Variants in CREBZF observed in about 807,000 individuals in gnomAD.
The protein encoded by CREBZF is CREB/ATF bZIP transcription factor.
CREBZF carries 8 observed loss-of-function variants against 21.1 expected under a neutral mutation model. That is an observed-to-expected ratio of 0.38 (90% confidence interval 0.22 to 0.68). CREBZF has a LOEUF of 0.68. Among genes scored for constraint, CREBZF ranks in the 30% least tolerant of loss-of-function variants. The pLI, the probability that CREBZF is intolerant of heterozygous loss-of-function variation, is 0.51. For missense variants in CREBZF, 518 were observed against 484.3 expected, an observed-to-expected ratio of 1.07 and a Z score of -0.65; for synonymous variants, 270 against 223.3, an observed-to-expected ratio of 1.21 and a Z score of -1.86.
At position 85,664,636 on chromosome 11, in the gene CREBZF, G is replaced by A. The variant is rs922043794; in HGVS notation, c.240C>T (p.Pro80=). ...RGGVAVRAPS[P]EEMEEEAIAS... Reference sequence around the variant, plus strand: ...CGATCGCCTCCTCCTCCATCTCCTCGGGGGAGGGCGCGCGCACGGCCACGC... The same window carrying A: ...CGATCGCCTCCTCCTCCATCTCCTCAGGGGAGGGCGCGCGCACGGCCACGC... Residue 80 remains proline, a synonymous_variant, in exon 1 of 1, where the codon CCC becomes CCT. Coordinates refer to ENST00000527447, the MANE Select transcript of CREBZF (RefSeq NM_001039618.4). The surrounding 1 kb of genome is among the most constrained non-coding windows in gnomAD (Gnocchi z 5.5). The A allele has an allele frequency of 1.4e-5, 22 of 1,609,158 alleles. No homozygotes were observed. Among genetic ancestry groups the A allele is most frequent in the Non-Finnish European group, 1.8e-5 (21 of 1,177,812 alleles).
In CREBZF at chr11:85,663,244, A is replaced by T. The variant is rs1228960197; in HGVS notation, c.*567T>A. 2 of 477,088 alleles carry T rather than the reference A, an allele frequency of 4.2e-6. No individual in the cohort carries two copies. The highest frequency in any genetic ancestry group is 7.6e-6 in the Non-Finnish European group (2 of 264,334). 29.6% of individuals were successfully genotyped at this position (477,088 alleles called of 1,614,324 possible). A position where few individuals can be genotyped will look rare whatever the true frequency, so the allele number is the denominator to read the frequency against. ...TCAGTGTACAGTTGGAACCGATGTC[A>T]TCCAAGGCCATGTCCACACTGGGGA... On this transcript the variant is annotated 3_prime_UTR_variant, in exon 1 of 1. Transcript: ENST00000527447.
At chr11:85,665,430 C>T (rs2082846537), upstream of CREBZF, among the ~76,000 whole-genome samples, 1 of 148,626 alleles carries the variant, frequency 6.7e-6, no homozygotes, top group Admixed American at 6.7e-5. Context: ...CCCCTGCGTA[C>T]TTCAGTGTGC....
At position 85,662,441 on chromosome 11, in the gene CREBZF, C is replaced by A; in HGVS notation, c.*1370G>T. ...CAGCAGCTGGTCCCGTCTCTTCTGC[C>A]CCAACAGCTGTATCCACTTTAGCAC... On this transcript the variant is annotated 3_prime_UTR_variant, in exon 1 of 1. Transcript: ENST00000527447. 1 of 716,954 alleles carries A rather than the reference C, an allele frequency of 1.4e-6. No individual in the cohort carries two copies. Among genetic ancestry groups the A allele is most frequent in the Non-Finnish European group, 2.6e-6 (1 of 384,766 alleles). 44.4% of individuals were successfully genotyped at this position (716,954 alleles called of 1,614,324 possible). A position where few individuals can be genotyped will look rare whatever the true frequency, so the allele number is the denominator to read the frequency against.
chr11:85,678,643 A>T lies in CREBZF; in HGVS notation n.147+4074T>A, dbSNP rs373613383. Among the ~76,000 whole-genome samples the T allele has an allele frequency of 8.9e-4, 135 of 152,332 alleles. 2 individuals are homozygous for T. Among genetic ancestry groups the T allele is most frequent in the African/African-American group, 3.2e-3 (132 of 41,580 alleles). ...CCTTGGAATATACTCCATTAAGGATATTCATTGAAAATACTGTTTTCTAAA... is the reference window on the plus strand; with the variant it reads ...CCTTGGAATATACTCCATTAAGGATTTTCATTGAAAATACTGTTTTCTAAA... On this transcript the variant is annotated intron_variant and non_coding_transcript_variant, in intron 1 of 3. Coordinates refer to the CREBZF transcript ENST00000531515.
At chr11:85,674,909 C>T (rs1591491251) in intron 1 of CREBZF, among the ~76,000 whole-genome samples, 1 of 152,190 alleles carries the variant, frequency 6.6e-6, no homozygotes, top group East Asian at 1.9e-4. Flanking sequence ...CTTCAGAATA[C>T]CCAAACCTCA....
intron 1 of CREBZF, among the ~76,000 whole-genome samples, chr11:85,673,208 C>T (rs2082923384): frequency 6.6e-6 from 1 of 152,294 alleles, no homozygotes; most frequent in African/African-American, 2.4e-5. Context: ...CTCAAGCACC[C>T]ATATACATTT....
Position 85,662,357 on chromosome 11 carries a change from T to A in CREBZF, c.*1454A>T. The A allele has an allele frequency of 2.8e-6, 2 of 714,640 alleles. No homozygotes were observed. Among genetic ancestry groups the A allele is most frequent in the South Asian group, 3.0e-5 (2 of 67,304 alleles). 44.3% of individuals were successfully genotyped at this position (714,640 alleles called of 1,614,324 possible). ...AAATAAAAAACAGCAGAAGCCCTGA[T>A]ATTACCTCTTTTTCCTCATTTCTTA... On this transcript the variant is annotated 3_prime_UTR_variant, in exon 1 of 1. Coordinates refer to ENST00000527447, the MANE Select transcript of CREBZF (RefSeq NM_001039618.4).
At chr11:85,678,148 C>A (rs890695699) in intron 1 of CREBZF, among the ~76,000 whole-genome samples, 2 of 152,156 alleles carry the variant, frequency 1.3e-5, no homozygotes, top group Admixed American at 6.5e-5. Flanking sequence ...TTCCATTAGT[C>A]TCTGATAGTT....
chr11:85,667,811 T>G (rs1161037994), upstream of CREBZF, among the ~76,000 whole-genome samples: 2 of 151,728 alleles, frequency 1.3e-5, no homozygotes, highest in Non-Finnish European at 2.9e-5. Context: ...TACAAAAAAT[T>G]AGAAAAAAAT....
At chr11:85,671,774 C>T (rs1380329423) in intron 1 of CREBZF, among the ~76,000 whole-genome samples, 1 of 152,240 alleles carries the variant, frequency 6.6e-6, no homozygotes, top group Non-Finnish European at 1.5e-5. Flanking sequence ...ATCCCTGTGG[C>T]TTTGCAGGGT....
At chr11:85,666,231 G>A (rs1249403778), upstream of CREBZF, among the ~76,000 whole-genome samples, 1 of 152,162 alleles carries the variant, frequency 6.6e-6, no homozygotes, top group Non-Finnish European at 1.5e-5. Flanking sequence ...ATTTGAAGCA[G>A]TTTACAAATA....
rs1196087061 is a variant in CREBZF at position 85,658,573 on chromosome 11, T to G, written c.*5238A>C. Among the ~76,000 whole-genome samples, 3 of 152,118 alleles carry G rather than the reference T, an allele frequency of 2.0e-5. No individual in the cohort carries two copies. The East Asian group carries it at 5.8e-4, about 29-fold the overall frequency. On this transcript the variant is annotated 3_prime_UTR_variant, in exon 1 of 1. Transcript: ENST00000527447. Reference sequence around the variant, plus strand: ...CTGAAGTAAACTACCCTCAATCAATTTTTATATTTCAGTCTAGTCACTGTA... The same window carrying G: ...CTGAAGTAAACTACCCTCAATCAATGTTTATATTTCAGTCTAGTCACTGTA...
chr11:85,658,362 A>G lies in CREBZF; in HGVS notation c.*5449T>C, dbSNP rs1471522192. 6.6e-6 allele frequency among the ~76,000 whole-genome samples: 1 copy of G among 152,064 alleles called. No homozygotes were observed. The highest frequency in any genetic ancestry group is 1.5e-5 in the Non-Finnish European group (1 of 67,900). ...TGAGTTTACAATGGTTTCTGTAACC[A>G]AAAAGTATTTCTAATATCTGTCCTC... On this transcript the variant is annotated 3_prime_UTR_variant, in exon 1 of 1. Transcript: ENST00000527447.
Position 85,663,857 on chromosome 11 carries a change from A to C in CREBZF, c.1019T>G (p.Phe340Cys). The change falls in exon 1 of 1, where the codon TTC becomes TGC. Residue 340 changes from phenylalanine (F) to cysteine (C), a missense_variant. This residue lies in a region of CREBZF where 114 missense variants were observed against 134.1 expected (regional missense o/e 0.85). Coordinates refer to ENST00000527447, the MANE Select transcript of CREBZF (RefSeq NM_001039618.4). ...HVDKDKVSVE[F>C]CSACARKASS... ...CGCCTTCCGGGCGCACGCCGAGCAG[A>C]ACTCCACCGACACCTTATCCTTGTC... 1 of 1,609,216 alleles carries C rather than the reference A, an allele frequency of 6.2e-7. No individual in the cohort carries two copies. Among genetic ancestry groups the C allele is most frequent in the Non-Finnish European group, 8.5e-7 (1 of 1,179,280 alleles).
intron 1 of CREBZF, among the ~76,000 whole-genome samples, chr11:85,672,728 G>C (rs1389659501): frequency 6.6e-6 from 1 of 152,140 alleles, no homozygotes; most frequent in Non-Finnish European, 1.5e-5. Flanking sequence ...TCTTCACCTA[G>C]AGCAAATGAT....
intron 1 of CREBZF, among the ~76,000 whole-genome samples, chr11:85,681,599 G>A (rs1277341865): frequency 3.3e-5 from 5 of 152,116 alleles, no homozygotes; most frequent in East Asian, 1.9e-4. Flanking sequence ...TCAGCTACAC[G>A]GCACTACTCA....
At chr11:85,678,129 T>C (rs990998286) in intron 1 of CREBZF, among the ~76,000 whole-genome samples, 1 of 152,234 alleles carries the variant, frequency 6.6e-6, no homozygotes, top group African/African-American at 2.4e-5. Flanking sequence ...TCTTGTCTAT[T>C]TGACAGAATT....
chr11:85,674,249 C>T (rs1473214538), intron 1 of CREBZF, among the ~76,000 whole-genome samples: 1 of 152,236 alleles, frequency 6.6e-6, no homozygotes, highest in Non-Finnish European at 1.5e-5. Context: ...CTCCTTGATT[C>T]ATGGCTTGCA....
rs1364897879 is a variant in CREBZF at position 85,661,047 on chromosome 11, A to G, written c.*2764T>C. The stretch of plus-strand genomic sequence containing the variant: ...CTAATCATCCAGAACACAATTTTCT[A>G]AAAATAGTAAGACAACAGTTTCACA... On this transcript the variant is annotated 3_prime_UTR_variant, in exon 1 of 1. Transcript: ENST00000527447. The G allele has an allele frequency of 6.5e-6, 1 of 153,410 alleles. No homozygotes were observed. The highest frequency in any genetic ancestry group is 6.5e-5 in the Admixed American group (1 of 15,336). The allele number at this position is 153,410 out of a possible 1,614,324, so 9.5% of individuals were successfully genotyped here.
Sources: allele counts gnomAD v4.1 joint callset (sites outside exome capture counted in the v4.1 genomes callset), GRCh38; gene constraint gnomAD v4.1.1; regional missense constraint gnomAD v4.1.1; non-coding constraint Gnocchi (gnomAD v3.1); transcripts MANE v1.5; gene names NCBI Gene and HGNC (gene_info 2026-07-23, HGNC 2026-07-21).